ANKFN1: variants seen among roughly 807,000 people sequenced by gnomAD.
ANKFN1 encodes ankyrin repeat and fibronectin type III domain containing 1, also known as ankyrin repeat and fibronectin type-III domain-containing protein 1.
Under a neutral mutation model 108.7 loss-of-function variants are expected in ANKFN1, and 74 were observed. The ratio of observed to expected loss-of-function variants is 0.68; its 90% CI spans 0.56 to 0.83. The LOEUF (loss-of-function observed/expected upper bound fraction) is 0.83. Ranked by LOEUF, ANKFN1 falls within the 40% of genes least tolerant of loss-of-function variation. The pLI is 0.00. For synonymous variants in ANKFN1, 547 were observed against 516.2 expected (o/e 1.06, Z -0.81); for missense variants, 1,505 against 1,382.3 (o/e 1.09, Z -1.41).
upstream of ANKFN1, among the ~76,000 whole-genome samples, chr17:56,151,853 C>G (rs1314550635): frequency 6.6e-6 from 1 of 152,172 alleles, no homozygotes; most frequent in African/African-American, 2.4e-5. Context: ...ATACCTTCAC[C>G]TTGACTTGAA....
chr17:56,094,288 C>G (rs923923043), intron 4 of ANKFN1, among the ~76,000 whole-genome samples: 1 of 150,870 alleles, frequency 6.6e-6, no homozygotes, highest in African/African-American at 2.4e-5. Context: ...AATGCAGACA[C>G]AAGCCAAATT....
At chr17:56,332,115 G>A (rs780371255) in intron 4 of ANKFN1, among the ~76,000 whole-genome samples, 13 of 152,066 alleles carry the variant, frequency 8.5e-5, no homozygotes, top group Non-Finnish European at 1.8e-4. Flanking sequence ...CAAGCAAAGC[G>A]AAGGCCTCCA....
At chr17:56,469,789 A>T (rs9901025) in intron 15 of ANKFN1, among the ~76,000 whole-genome samples, 100,547 of 150,686 alleles carry the variant, frequency 0.67, 33,936 homozygotes, top group East Asian at 0.87. Context: ...TTTTCTTTTT[A>T]TTTTTATTTT....
intron 4 of ANKFN1, among the ~76,000 whole-genome samples, chr17:56,110,385 C>G (rs770786861): frequency 2.6e-5 from 4 of 152,184 alleles, no homozygotes; most frequent in Non-Finnish European, 5.9e-5. Context: ...CACCCTCACT[C>G]TAATAAATGT....
intron 3 of ANKFN1, among the ~76,000 whole-genome samples, chr17:56,299,348 T>A (rs1228845255): frequency 6.6e-6 from 1 of 152,058 alleles, no homozygotes; most frequent in Non-Finnish European, 1.5e-5. Context: ...CCTTGGATAG[T>A]CTCCCCAGCA....
intron 4 of ANKFN1, among the ~76,000 whole-genome samples, chr17:56,081,256 A>G (rs1905242099): frequency 6.6e-6 from 1 of 152,218 alleles, no homozygotes; most frequent in South Asian, 2.1e-4. Context: ...AAGGAAGGAA[A>G]GTACACTTGG....
In ANKFN1 at chr17:56,374,621, A is replaced by C. The variant is rs748075149; in HGVS notation, c.817A>C (p.Asn273His). Residue 273 changes from asparagine (N) to histidine (H), a missense_variant, in exon 8 of 21, where the codon AAT (asparagine) becomes CAT (histidine). Transcript: ENST00000682825. ...CCCAGGAGCCCCTGAGATGCCAACC[A>C]ATGTCTGTCTCATGGTAACCAGCAG... The part of the protein sequence containing the change: ...EHARAPEMPT[N>H]VCLMVTSSTS... 1 of 1,613,846 alleles carries C rather than the reference A, an allele frequency of 6.2e-7. No homozygotes were observed. Among genetic ancestry groups the C allele is most frequent in the South Asian group, 1.1e-5 (1 of 91,052 alleles).
chr17:56,111,649 C>T (rs1344026965), intron 4 of ANKFN1, among the ~76,000 whole-genome samples: 1 of 151,992 alleles, frequency 6.6e-6, no homozygotes, highest in Non-Finnish European at 1.5e-5. Context: ...GTGACATCTC[C>T]CATAGTTCTA....
intron 4 of ANKFN1, among the ~76,000 whole-genome samples, chr17:56,144,156 G>GAAAAAAAAAAA (rs59884444): frequency 2.5e-5 from 1 of 40,560 alleles, no homozygotes; most frequent in African/African-American, 9.2e-5. Flanking sequence ...AGGCGCATCT[G>GAAAAAAAAAAA]AAAAAAAAAA....
intron 4 of ANKFN1, among the ~76,000 whole-genome samples, chr17:56,075,115 G>A (rs796513394): frequency 6.6e-6 from 1 of 152,326 alleles, no homozygotes; most frequent in Non-Finnish European, 1.5e-5. Flanking sequence ...TATTGCTGCT[G>A]TATGAGGAAG....
chr17:56,504,317 GAGA>G (rs1355390075), intron 20 of ANKFN1, among the ~76,000 whole-genome samples: 1 of 151,986 alleles, frequency 6.6e-6, no homozygotes, highest in Non-Finnish European at 1.5e-5. Context: ...TTGAAATCAA[GAGA>G]AGCTTTAAGT....
rs2049056883 is a variant in ANKFN1, at chr17:56,440,297, T to TC, written c.911-29dup. On this transcript the variant is annotated intron_variant, in intron 8 of 20. Coordinates refer to ENST00000682825, the MANE Select transcript of ANKFN1 (RefSeq NM_001370326.1). Reference sequence around the variant, plus strand: ...GACTGAATTTTATTCTCCCTCTTTCTCTCTCTCCCTGCCCCCCTACTCCCT... The same window carrying TC: ...GACTGAATTTTATTCTCCCTCTTTCTCCTCTCTCCCTGCCCCCCTACTCCCT... The TC allele has an allele frequency of 4.2e-6, 6 of 1,424,242 alleles. No homozygotes were observed. In the East Asian group the frequency reaches 1.1e-4, roughly 27 times the overall value. 88.2% of individuals were successfully genotyped at this position (1,424,242 alleles called of 1,614,324 possible). A position where few individuals can be genotyped will look rare whatever the true frequency, so the allele number is the denominator to read the frequency against.
intron 3 of ANKFN1, among the ~76,000 whole-genome samples, chr17:56,264,803 A>G (rs903603556): frequency 3.9e-5 from 6 of 152,094 alleles, no homozygotes; most frequent in African/African-American, 1.2e-4. Flanking sequence ...ATGACCTCAA[A>G]ATTCCTTTCC....
chr17:56,255,196 T>C (rs147720910), intron 3 of ANKFN1, among the ~76,000 whole-genome samples: 1 of 152,338 alleles, frequency 6.6e-6, no homozygotes, highest in Non-Finnish European at 1.5e-5. Flanking sequence ...TTGGAGAAGA[T>C]GGTACTGTTG....
rs1224236090 is a variant in ANKFN1 at position 56,182,604 on chromosome 17, C to T, written c.-71+29074C>T. 3.9e-5 allele frequency among the ~76,000 whole-genome samples: 6 copies of T among 152,302 alleles called. No homozygotes were observed. The East Asian group carries it at 5.8e-4, about 15-fold the overall frequency. Reference sequence around the variant, plus strand: ...GAGGTTTAAGTAAAGAAGCCATCTTCATAACATAAATGCAAAGTGAGGCAG... The same window carrying T: ...GAGGTTTAAGTAAAGAAGCCATCTTTATAACATAAATGCAAAGTGAGGCAG... On this transcript the variant is annotated intron_variant, in intron 1 of 20. Transcript: ENST00000682825.
chr17:56,383,026 A>AT (rs1485374915), intron 8 of ANKFN1, among the ~76,000 whole-genome samples: 2 of 152,120 alleles, frequency 1.3e-5, no homozygotes, highest in East Asian at 1.9e-4. Context: ...CAGAATATAC[A>AT]TTTTCTTCAG....
intron 3 of ANKFN1, among the ~76,000 whole-genome samples, chr17:56,280,361 G>A (rs2044046586): frequency 6.6e-6 from 1 of 152,120 alleles, no homozygotes; most frequent in Non-Finnish European, 1.5e-5. Flanking sequence ...AGGGCGATTT[G>A]CTTCTTAAAC....
chr17:56,062,725 G>A (rs1904996352), intron 4 of ANKFN1, among the ~76,000 whole-genome samples: 1 of 151,968 alleles, frequency 6.6e-6, no homozygotes, highest in Admixed American at 6.6e-5. Context: ...GGGGCATTTA[G>A]CCCATTTACA....
intron 8 of ANKFN1, among the ~76,000 whole-genome samples, chr17:56,418,041 A>G (rs2048292202): frequency 6.6e-6 from 1 of 152,210 alleles, no homozygotes; most frequent in Admixed American, 6.5e-5. Flanking sequence ...GGAGTCTTCT[A>G]CTATCCAATA....
Sources: gnomAD v4.1 joint callset for allele counts (sites outside exome capture counted in the v4.1 genomes callset) on GRCh38, gnomAD v4.1.1 for gene constraint, MANE v1.5 for transcripts, NCBI Gene and HGNC (gene_info 2026-07-23, HGNC 2026-07-21) for gene names.